The following SMC2 variants were observed in gnomAD, a reference collection of about 807,000 sequenced individuals.
SMC2 encodes structural maintenance of chromosomes protein 2.
In SMC2, 41 loss-of-function variants were observed where a neutral mutation model predicts 142.6. That is an observed-to-expected ratio of 0.29 (90% CI 0.22 to 0.37). The LOEUF (loss-of-function observed/expected upper bound fraction) is 0.37, where lower values mean the gene tolerates loss of function less well. SMC2 is among the 10% of genes least tolerant of loss of function. The probability of loss-of-function intolerance (pLI) is 1.00; values close to 1 mark genes in which losing one functional copy is unlikely to be tolerated. For missense variants in SMC2, 1,265 were observed against 1,373.7 expected, an observed-to-expected ratio of 0.92 and a Z score of 1.25; for synonymous variants, 463 against 457.5, an observed-to-expected ratio of 1.01 and a Z score of -0.15.
intron 21 of SMC2, among the ~76,000 whole-genome samples, chr9:104,131,327 C>G (rs899503535): frequency 6.6e-6 from 1 of 152,054 alleles, no homozygotes; most frequent in African/African-American, 2.4e-5. Flanking sequence ...CTGTAAAAGA[C>G]CATATGGCCA....
intron 9 of SMC2, among the ~76,000 whole-genome samples, chr9:104,108,313 C>T (rs1319208586): frequency 3.9e-5 from 6 of 152,238 alleles, no homozygotes; most frequent in African/African-American, 1.4e-4. Context: ...CCGGAGACCT[C>T]GGTCCCACTC....
At chr9:104,117,442 G>T (rs1833248222) in intron 14 of SMC2, among the ~76,000 whole-genome samples, 1 of 152,204 alleles carries the variant, frequency 6.6e-6, no homozygotes, top group Admixed American at 6.5e-5. Context: ...GGCAGAGGTA[G>T]CCTCTATAAA....
intron 21 of SMC2, among the ~76,000 whole-genome samples, chr9:104,130,666 G>A (rs767074570): frequency 3.3e-5 from 5 of 152,034 alleles, no homozygotes; most frequent in Non-Finnish European, 7.4e-5. Flanking sequence ...GAATCATGCA[G>A]GTATTGTGAT....
At chr9:104,096,931 T>C (rs1302864965) in intron 3 of SMC2, among the ~76,000 whole-genome samples, 2 of 152,136 alleles carry the variant, frequency 1.3e-5, no homozygotes, top group Non-Finnish European at 2.9e-5. Context: ...GCACCTTAGA[T>C]TGGGTGTACC....
rs375181843 is a variant in SMC2, at chr9:104,113,408, A to C, written c.1347A>C (p.Glu449Asp). 2 of 1,610,580 alleles carry C rather than the reference A, an allele frequency of 1.2e-6. No homozygotes were observed. Among genetic ancestry groups the C allele is most frequent in the African/African-American group, 2.7e-5 (2 of 74,718 alleles). ...KMDSGYRKDQ[E>D]ALEAVKRLKE... ...ATAGTGGCTACAGGAAGGATCAAGA[A>C]GCTCTAGAAGCTGTAAAAAGACTTA... Residue 449 changes from glutamate to aspartate, a missense_variant, in exon 11 of 25, where the codon GAA (glutamate) becomes GAC (aspartate). Physicochemically the swap from Glu to Asp is conservative, Grantham distance 45. Around this residue, in one of 4 missense-constraint regions of SMC2, gnomAD observed 898 missense variants for 904.2 expected, o/e 0.99. Coordinates refer to ENST00000374793, the MANE Select transcript of SMC2 (RefSeq NM_006444.3).
chr9:104,113,998 G>C lies in SMC2; in HGVS notation c.1449G>C (p.Arg483Ser). The change falls in exon 12 of 25, where the codon AGG becomes AGC. Residue 483 changes from arginine (R) to serine (S), a missense_variant. Arg to Ser is a moderately radical substitution (Grantham distance 110). Coordinates refer to ENST00000374793, the MANE Select transcript of SMC2 (RefSeq NM_006444.3). Reference protein sequence around the residue: ...NKEESLLEKRRQLSRDIGRLK... With the variant: ...NKEESLLEKRSQLSRDIGRLK... Reference sequence around the variant, plus strand: ...AGGAAAGCCTTTTGGAAAAGCGCAGGCAGCTGTCTCGTGATATTGGTAGAT... The same window carrying C: ...AGGAAAGCCTTTTGGAAAAGCGCAGCCAGCTGTCTCGTGATATTGGTAGAT... 6.3e-7 allele frequency: 1 copy of C among 1,593,954 alleles called. No individual in the cohort carries two copies. The highest frequency in any genetic ancestry group is 8.5e-7 in the Non-Finnish European group (1 of 1,174,056).
At chr9:104,133,863 C>G (rs2131554048) in intron 22 of SMC2, among the ~76,000 whole-genome samples, 1 of 152,238 alleles carries the variant, frequency 6.6e-6, no homozygotes. Flanking sequence ...AGATCTGGTC[C>G]TTTGATTTCA....
In SMC2 at chr9:104,095,472, A is replaced by C. The variant is rs995331900; in HGVS notation, c.88A>C (p.Ile30Leu). ...VNGFDPLFNA[I>L]TGLNGSGKSN... ...TGGTTTTGACCCCCTCTTCAATGCTATCACTGGCTTAAATGGTAGTGGGAA... is the reference window on the plus strand; with the variant it reads ...TGGTTTTGACCCCCTCTTCAATGCTCTCACTGGCTTAAATGGTAGTGGGAA... Residue 30 changes from isoleucine (I) to leucine (L), a missense_variant, in exon 2 of 25, where the codon ATC (isoleucine) becomes CTC (leucine). This residue lies in a region of SMC2 where 168 missense variants were observed against 184.8 expected (regional missense o/e 0.91). Transcript: ENST00000374793. 1.9e-6 allele frequency: 3 copies of C among 1,613,788 alleles called. No homozygotes were observed. Among genetic ancestry groups the C allele is most frequent in the Non-Finnish European group, 1.7e-6 (2 of 1,179,838 alleles).
intron 21 of SMC2, 47 bp downstream of exon 21, chr9:104,129,892 G>C: frequency 7.2e-7 from 1 of 1,388,192 alleles, no homozygotes; most frequent in South Asian, 1.2e-5. Flanking sequence ...AACATGACTA[G>C]CATTGACAGC....
In SMC2 at chr9:104,094,355, G is replaced by T. The variant is rs1243528210; in HGVS notation, c.-184G>T. 1.0e-5 allele frequency: 4 copies of T among 398,692 alleles called. No homozygotes were observed. The Admixed American group carries it at 1.8e-4, about 18-fold the overall frequency. The allele number at this position is 398,692 out of a possible 1,614,324, so 24.7% of individuals were successfully genotyped here. On this transcript the variant is annotated 5_prime_UTR_variant, in exon 1 of 25. Coordinates refer to ENST00000374793, the MANE Select transcript of SMC2 (RefSeq NM_006444.3). ...GCGGGTGTTGAGAGCGGTGTGGCAGGTGTTGTAGCCGCTATGGTGAAGTTC... is the reference window on the plus strand; with the variant it reads ...GCGGGTGTTGAGAGCGGTGTGGCAGTTGTTGTAGCCGCTATGGTGAAGTTC...
At chr9:104,096,780 A>G (rs533957039) in intron 3 of SMC2, among the ~76,000 whole-genome samples, 1 of 152,272 alleles carries the variant, frequency 6.6e-6, no homozygotes, top group Admixed American at 6.5e-5. Flanking sequence ...GTGCAAGTAT[A>G]TGTGTTTTAG....
At position 104,118,228 on chromosome 9, in the gene SMC2, C is replaced by G. The variant is rs776595054; in HGVS notation, c.1849C>G (p.Gln617Glu). The change falls in exon 15 of 25, where the codon CAG becomes GAG. Residue 617 changes from glutamine (Q) to glutamate (E), a missense_variant. Physicochemically the swap from Gln to Glu is conservative, Grantham distance 29 (BLOSUM62 2). This residue lies in a region of SMC2 where 898 missense variants were observed against 904.2 expected (regional missense o/e 0.99). Transcript: ENST00000374793. Reference protein sequence around the residue: ...LSLVEYKPELQKAMEFVFGTT... With the variant: ...LSLVEYKPELEKAMEFVFGTT... ...CTTGGTTGAATATAAACCAGAACTT[C>G]AGAAAGCAATGGAGTTTGTCTTTGG... 2 of 1,613,726 alleles carry G rather than the reference C, an allele frequency of 1.2e-6. No individual in the cohort carries two copies. Among genetic ancestry groups the G allele is most frequent in the Non-Finnish European group, 1.7e-6 (2 of 1,179,788 alleles).
At position 104,118,268 on chromosome 9, in the gene SMC2, G is replaced by T; in HGVS notation, c.1889G>T (p.Cys630Phe). 6.2e-7 allele frequency: 1 copy of T among 1,613,676 alleles called. No individual in the cohort carries two copies. The highest frequency in any genetic ancestry group is 1.1e-5 in the South Asian group (1 of 91,062). Reference sequence around the variant, plus strand: ...TTTGTCTTTGGAACAACATTTGTTTGTGACAATATGGATAATGCCAAAAAA... The same window carrying T: ...TTTGTCTTTGGAACAACATTTGTTTTTGACAATATGGATAATGCCAAAAAA... Reference protein sequence around the residue: ...MEFVFGTTFVCDNMDNAKKVA... With the variant: ...MEFVFGTTFVFDNMDNAKKVA... The change falls in exon 15 of 25, where the codon TGT becomes TTT. Residue 630 changes from cysteine (C) to phenylalanine (F), a missense_variant. Physicochemically the swap from Cys to Phe is radical, Grantham distance 205 (BLOSUM62 -2). This residue lies in a region of SMC2 where 898 missense variants were observed against 904.2 expected (regional missense o/e 0.99). Transcript: ENST00000374793.
At chr9:104,127,636 A>G (rs1022596587) in intron 20 of SMC2, among the ~76,000 whole-genome samples, 156 bp downstream of exon 20, 3 of 152,214 alleles carry the variant, frequency 2.0e-5, no homozygotes, top group Admixed American at 6.5e-5. Context: ...CTGCTTTTCA[A>G]CAATGCTAAT....
intron 16 of SMC2, among the ~76,000 whole-genome samples, chr9:104,122,244 C>T (rs1179881814): frequency 6.6e-6 from 1 of 151,942 alleles, no homozygotes; most frequent in Non-Finnish European, 1.5e-5. Context: ...CTATTTGTGA[C>T]ACTGAGGTCA....
rs1366719618 is a variant in SMC2 at position 104,139,238 on chromosome 9, C to T, written c.3517C>T (p.Gln1173Ter). 6.2e-7 allele frequency: 1 copy of T among 1,601,302 alleles called. No homozygotes were observed. Among genetic ancestry groups the T allele is most frequent in the Non-Finnish European group, 8.5e-7 (1 of 1,175,540 alleles). ...TGTTTCTACAGTAGCCAGATTTACT[C>T]AATGTCAAAATGGAAAGATTTCAAA... is the stretch of plus-strand genomic sequence containing the variant. ...DGVSTVARFT[Q>*]CQNGKISKEA... is the part of the protein sequence containing the mutation. The change falls in exon 25 of 25, where the codon CAA (glutamine) becomes TAA (stop). Residue 1173 changes from glutamine to a stop codon, truncating the protein, a stop_gained. Coordinates refer to ENST00000374793, the MANE Select transcript of SMC2 (RefSeq NM_006444.3). LOFTEE classifies it high-confidence loss of function.
At position 104,139,142 on chromosome 9, in the gene SMC2, A is replaced by G. The variant is rs564888728; in HGVS notation, c.3421A>G (p.Ile1141Val). The change falls in exon 25 of 25, where the codon ATT becomes GTT. Residue 1141 changes from isoleucine to valine, a missense_variant. This residue lies in a region of SMC2 where 192 missense variants were observed against 261.9 expected (regional missense o/e 0.73). Coordinates refer to ENST00000374793, the MANE Select transcript of SMC2 (RefSeq NM_006444.3). The stretch of plus-strand genomic sequence containing the variant: ...ACTTTTTTCTTTTTTCCTTAAGTTC[A>G]TTGTGGTGTCACTAAAAGAAGGTAT... ...LRTHFTHSQF[I>V]VVSLKEGMFN... 2 of 1,554,120 alleles carry G rather than the reference A, an allele frequency of 1.3e-6. No homozygotes were observed. The highest frequency in any genetic ancestry group is 1.4e-5 in the African/African-American group (1 of 70,446).
At chr9:104,103,814 TAAG>T (rs925260858) in intron 9 of SMC2, among the ~76,000 whole-genome samples, 1 of 152,256 alleles carries the variant, frequency 6.6e-6, no homozygotes, top group Non-Finnish European at 1.5e-5. Context: ...ATTGTTGAAT[TAAG>T]AAACAGTGGA....
Position 104,116,301 on chromosome 9 carries a change from G to C in SMC2, c.1773G>C (p.Leu591=). 2.5e-6 allele frequency: 4 copies of C among 1,606,692 alleles called. No individual in the cohort carries two copies. In the South Asian group the frequency reaches 3.4e-5, roughly 13 times the overall value. Residue 591 remains leucine (L), a synonymous_variant, in exon 14 of 25, where the codon CTG becomes CTC. Transcript: ENST00000374793. The stretch of plus-strand genomic sequence containing the variant: ...CCAGATGTATTGCACCAGAAACTCT[G>C]AGAGTTGCTCAGAATCTTGTAAGTC... ...ISARCIAPET[L]RVAQNLVGPD...
Sources: allele counts gnomAD v4.1 joint callset (sites outside exome capture counted in the v4.1 genomes callset), GRCh38; gene constraint gnomAD v4.1.1; regional missense constraint gnomAD v4.1.1; transcripts MANE v1.5; gene names NCBI Gene and HGNC (gene_info 2026-07-23, HGNC 2026-07-21).